ARHGAP12: variants seen among roughly 807,000 people sequenced by gnomAD.
ARHGAP12 encodes Rho GTPase activating protein 12.
A neutral mutation model predicts 108.6 loss-of-function variants in ARHGAP12; 64 were observed. The ratio of observed to expected loss-of-function variants is 0.59; its 90% CI spans 0.48 to 0.73. ARHGAP12 has a LOEUF of 0.73. ARHGAP12 is among the 30% of genes least tolerant of loss of function. The pLI is 0.00. For missense variants in ARHGAP12, 940 were observed against 1,005.9 expected (o/e 0.93, Z 0.89); for synonymous variants, 312 against 337.2 (o/e 0.93, Z 0.82).
At chr10:31,878,143 T>G (rs984257931) in intron 3 of ARHGAP12, among the ~76,000 whole-genome samples, 2 of 152,214 alleles carry the variant, frequency 1.3e-5, no homozygotes, top group African/African-American at 4.8e-5. Flanking sequence ...TAATCTTCTT[T>G]AAATTATGAA....
intron 3 of ARHGAP12, among the ~76,000 whole-genome samples, chr10:31,888,736 A>G (rs990770729): frequency 1.3e-5 from 2 of 152,246 alleles, no homozygotes; most frequent in African/African-American, 4.8e-5. Context: ...AGAAAAAAAG[A>G]GTAAATATAA....
At chr10:31,851,708 G>A (rs1836686693) in intron 6 of ARHGAP12, among the ~76,000 whole-genome samples, 2 of 152,058 alleles carry the variant, frequency 1.3e-5, no homozygotes, top group Admixed American at 6.6e-5. Context: ...TAGCGTTTCC[G>A]AACTTGTAGT....
At chr10:31,906,740 G>A (rs2132450630) in intron 3 of ARHGAP12, among the ~76,000 whole-genome samples, 1 of 152,296 alleles carries the variant, frequency 6.6e-6, no homozygotes, top group Non-Finnish European at 1.5e-5. Context: ...CTCCAGGGCA[G>A]TGAACTTAAG....
intron 16 of ARHGAP12, 171 bp from the exon 17 acceptor site, chr10:31,809,478 G>T: frequency 3.3e-6 from 2 of 606,756 alleles, no homozygotes; most frequent in Non-Finnish European, 5.9e-6. Flanking sequence ...AGGGGAGAGA[G>T]ATGGAGATTC....
chr10:31,892,606 G>T (rs1838496282), intron 3 of ARHGAP12, among the ~76,000 whole-genome samples: 1 of 152,122 alleles, frequency 6.6e-6, no homozygotes, highest in South Asian at 2.1e-4. Flanking sequence ...CATAAAGCAA[G>T]TCCTTAGAGA....
intron 3 of ARHGAP12, among the ~76,000 whole-genome samples, chr10:31,887,302 G>A (rs1203486485): frequency 2.0e-5 from 3 of 151,886 alleles, no homozygotes; most frequent in African/African-American, 7.3e-5. Context: ...CATTACAGAG[G>A]GTAATCTGCT....
intron 8 of ARHGAP12, among the ~76,000 whole-genome samples, 155 bp from the exon 9 acceptor site, chr10:31,839,474 C>T (rs1169130544): frequency 6.6e-6 from 1 of 152,018 alleles, no homozygotes; most frequent in Non-Finnish European, 1.5e-5. Flanking sequence ...ACTTTTAAAT[C>T]AATAAAATCT....
At chr10:31,845,856 C>A (rs1836441808) in intron 6 of ARHGAP12, among the ~76,000 whole-genome samples, 1 of 152,050 alleles carries the variant, frequency 6.6e-6, no homozygotes, top group African/African-American at 2.4e-5. Context: ...GATTTAATAT[C>A]CATTTTGCAA....
chr10:31,894,092 G>A (rs967409764), intron 3 of ARHGAP12, among the ~76,000 whole-genome samples: 4 of 152,120 alleles, frequency 2.6e-5, no homozygotes, highest in Non-Finnish European at 5.9e-5. Context: ...TTGATGGGAT[G>A]TATCTCAAAA....
chr10:31,834,205 G>A (rs1366613086), intron 9 of ARHGAP12, among the ~76,000 whole-genome samples: 1 of 152,110 alleles, frequency 6.6e-6, no homozygotes, highest in Non-Finnish European at 1.5e-5. Context: ...ATTTATGACT[G>A]CCTCAGTTTG....
Position 31,908,439 on chromosome 10 carries a change from A to T in ARHGAP12, c.417T>A (p.Ser139Arg). 6.2e-7 allele frequency: 1 copy of T among 1,614,234 alleles called. No individual in the cohort carries two copies. Among genetic ancestry groups the T allele is most frequent in the Non-Finnish European group, 8.5e-7 (1 of 1,180,038 alleles). Reference sequence around the variant, plus strand: ...GGTTGACAGTCTGACCTTGATTATAACTGGGTCCAAAATTCTGATTGGCAT... The same window carrying T: ...GGTTGACAGTCTGACCTTGATTATATCTGGGTCCAAAATTCTGATTGGCAT... ...IRDANQNFGPSYNQGQTVNLS... is the reference protein window; with the variant it reads ...IRDANQNFGPRYNQGQTVNLS... The change falls in exon 3 of 20, where the codon AGT becomes AGA. Residue 139 changes from serine to arginine, a missense_variant. Transcript: ENST00000344936.
intron 3 of ARHGAP12, among the ~76,000 whole-genome samples, chr10:31,899,974 A>C (rs1838853773): frequency 1.3e-5 from 2 of 152,204 alleles, no homozygotes; most frequent in Admixed American, 6.5e-5. Flanking sequence ...CATACATCTG[A>C]TTAAAGAATT....
chr10:31,809,887 T>C (rs1239423282), intron 16 of ARHGAP12, among the ~76,000 whole-genome samples: 2 of 152,188 alleles, frequency 1.3e-5, no homozygotes, highest in African/African-American at 2.4e-5. Flanking sequence ...CAGGTATTCA[T>C]TAAATGATAA....
intron 3 of ARHGAP12, among the ~76,000 whole-genome samples, chr10:31,862,871 T>C (rs1001311735): frequency 1.3e-5 from 2 of 152,222 alleles, no homozygotes; most frequent in African/African-American, 4.8e-5. Context: ...TATTCAGATG[T>C]TCAATTACTT....
rs576421214 is a variant in ARHGAP12 at position 31,810,590 on chromosome 10, G to A, written c.2050+59C>T. 155 of 1,204,202 alleles carry A rather than the reference G, an allele frequency of 1.3e-4. No individual in the cohort carries two copies. In the African/African-American group the frequency reaches 2.2e-3, roughly 17 times the overall value. 74.6% of individuals were successfully genotyped at this position (1,204,202 alleles called of 1,614,324 possible). ...CATAAAAATTCTAGGAATTTTGATGGCAAAACAAGAAGCTGGTTTGCTTAA... is the reference window on the plus strand; with the variant it reads ...CATAAAAATTCTAGGAATTTTGATGACAAAACAAGAAGCTGGTTTGCTTAA... On this transcript the variant is annotated intron_variant, in intron 16 of 19. Coordinates refer to ENST00000344936, the MANE Select transcript of ARHGAP12 (RefSeq NM_018287.7).
intron 3 of ARHGAP12, among the ~76,000 whole-genome samples, chr10:31,865,650 TG>T (rs1408395598): frequency 6.6e-6 from 1 of 151,948 alleles, no homozygotes; most frequent in African/African-American, 2.4e-5. Flanking sequence ...CTGAAGCCGG[TG>T]GATCACGAGG....
chr10:31,814,458 C>G, intron 13 of ARHGAP12, 97 bp from the exon 14 acceptor site: 1 of 1,008,398 alleles, frequency 9.9e-7, no homozygotes, highest in Non-Finnish European at 1.5e-6. Context: ...AATGACTCTT[C>G]CAAACAATTT....
chr10:31,835,684 TCA>T (rs1293614685), intron 9 of ARHGAP12, among the ~76,000 whole-genome samples: 2 of 152,208 alleles, frequency 1.3e-5, no homozygotes, highest in African/African-American at 4.8e-5. Context: ...ATCCTTATCT[TCA>T]GTTAATTGTG....
chr10:31,842,930 C>A (rs1481435421), intron 7 of ARHGAP12, among the ~76,000 whole-genome samples: 1 of 152,044 alleles, frequency 6.6e-6, no homozygotes, highest in African/African-American at 2.4e-5. Context: ...AAACAGAGGA[C>A]ATTACTCCTC....
Sources: allele counts gnomAD v4.1 joint callset (sites outside exome capture counted in the v4.1 genomes callset), GRCh38; gene constraint gnomAD v4.1.1; transcripts MANE v1.5; gene names NCBI Gene and HGNC (gene_info 2026-07-23, HGNC 2026-07-21).